The following HMGN5 variants were observed in gnomAD, a reference collection of about 807,000 sequenced individuals.
HMGN5 encodes the protein high mobility group nucleosome-binding domain-containing protein 5.
In HMGN5, 4 loss-of-function variants were observed where a neutral mutation model predicts 9.5. That is an observed-to-expected ratio of 0.42 (90% CI 0.21 to 0.96). The LOEUF (loss-of-function observed/expected upper bound fraction) is 0.96. HMGN5 is among the 40% of genes least tolerant of loss of function. The pLI is 0.30. For synonymous variants in HMGN5, 55 were observed against 57.1 expected, an observed-to-expected ratio of 0.96 and a Z score of 0.16; for missense variants, 192 against 187.5, an observed-to-expected ratio of 1.02 and a Z score of -0.14.
rs1342805257 is a variant in HMGN5 at position 81,115,057 on chromosome X, T to A, written c.441A>T (p.Glu147Asp). The change falls in exon 7 of 7, where the codon GAA (glutamate) becomes GAT (aspartate). Residue 147 changes from glutamate (E) to aspartate (D), a missense_variant. Transcript: ENST00000358130. ...QNEEKGEAGK[E>D]DKDEKGEEDG... Reference sequence around the variant, plus strand: ...CTTCTTCCCCTTTTTCATCTTTGTCTTCTTTTCCAGCTTCCCCTTTCTCTT... The same window carrying A: ...CTTCTTCCCCTTTTTCATCTTTGTCATCTTTTCCAGCTTCCCCTTTCTCTT... 1 of 1,155,774 alleles carries A rather than the reference T, an allele frequency of 8.7e-7. No individual in the cohort carries two copies. The highest frequency in any genetic ancestry group is 2.7e-5 in the Admixed American group (1 of 37,323).
chrX:81,191,458 C>T (rs759130840), intron 1 of HMGN5, among the ~76,000 whole-genome samples: 45 of 111,640 alleles, frequency 4.0e-4, no homozygotes, highest in African/African-American at 1.5e-3. Flanking sequence ...TTCTAGTTTG[C>T]TAATTTTCAA....
rs886393590 is a variant in HMGN5 at position 81,114,670 on chromosome X, C to T, written c.828G>A (p.Glu276=). 8.8e-7 allele frequency: 1 copy of T among 1,140,634 alleles called. No individual in the cohort carries two copies. The highest frequency in any genetic ancestry group is 3.3e-5 in the East Asian group (1 of 30,402). 94.0% of individuals were successfully genotyped at this position (1,140,634 alleles called of 1,213,427 possible). Residue 276 remains glutamate, a synonymous_variant, in exon 7 of 7, where the codon GAG becomes GAA. Transcript: ENST00000358130. ...DEIKEDDGKK[E]EPQSIV is the part of the protein sequence containing the mutation. ...AGTTTTAAACAATACTCTGTGGCTC[C>T]TCTTTTTTTCCATCATCTTCTTTGA...
intron 1 of HMGN5, among the ~76,000 whole-genome samples, chrX:81,129,504 A>G (rs1350646734): frequency 9.1e-6 from 1 of 110,198 alleles, no homozygotes. Flanking sequence ...CTTAATAGTG[A>G]TATTTTTTTC....
intron 1 of HMGN5, among the ~76,000 whole-genome samples, chrX:81,143,795 T>C (rs773702129): frequency 1.8e-5 from 2 of 112,097 alleles, no homozygotes; most frequent in South Asian, 7.4e-4. Context: ...CCACCTGGGA[T>C]GCTCAAGCTT....
chrX:81,148,992 G>A (rs1355732360), intron 1 of HMGN5, among the ~76,000 whole-genome samples: 2 of 111,800 alleles, frequency 1.8e-5, no homozygotes, highest in East Asian at 2.8e-4. Context: ...ATGCTGGAGA[G>A]GATGTGGAGA....
chrX:81,166,732 C>G (rs1205856878), intron 1 of HMGN5, among the ~76,000 whole-genome samples: 1 of 111,126 alleles, frequency 9.0e-6, no homozygotes, highest in Admixed American at 9.6e-5. Flanking sequence ...TGGGTATAGC[C>G]AATTTGAAAA....
At chrX:81,122,464 G>A (rs919280512) in intron 1 of HMGN5, among the ~76,000 whole-genome samples, 2 of 112,010 alleles carry the variant, frequency 1.8e-5, no homozygotes, top group Non-Finnish European at 3.8e-5. Flanking sequence ...ACCTAGACTA[G>A]CATAAAGCCA....
chrX:81,133,895 G>A (rs1266568370), intron 1 of HMGN5, among the ~76,000 whole-genome samples: 1 of 111,413 alleles, frequency 9.0e-6, no homozygotes, highest in African/African-American at 3.3e-5. Flanking sequence ...TAACTTGATA[G>A]CTTCTTTAGG....
At chrX:81,168,376 T>C (rs911064327) in intron 1 of HMGN5, among the ~76,000 whole-genome samples, 18 of 111,911 alleles carry the variant, frequency 1.6e-4, no homozygotes, top group Middle Eastern at 4.6e-3. Flanking sequence ...CATGTGGCTA[T>C]GAAGGTTCTA....
At chrX:81,176,431 A>C (rs1295320887) in intron 1 of HMGN5, among the ~76,000 whole-genome samples, 2 of 111,682 alleles carry the variant, frequency 1.8e-5, no homozygotes, top group African/African-American at 6.5e-5. Context: ...TGGACGGAGA[A>C]TGACTGATGA....
chrX:81,175,626 G>A (rs1412470892), intron 1 of HMGN5, among the ~76,000 whole-genome samples: 2 of 110,607 alleles, frequency 1.8e-5, no homozygotes, highest in Non-Finnish European at 3.8e-5. Context: ...ATATCCCAGA[G>A]GCTCCTCAGC....
At chrX:81,125,937 G>A (rs1423996971) in intron 1 of HMGN5, among the ~76,000 whole-genome samples, 1 of 110,356 alleles carries the variant, frequency 9.1e-6, no homozygotes, top group African/African-American at 3.3e-5. Context: ...CACCTGAGGT[G>A]AAGAGTTCGA....
chrX:81,198,532 A>G (rs1338438160), intron 1 of HMGN5, among the ~76,000 whole-genome samples: 1 of 111,756 alleles, frequency 8.9e-6, no homozygotes, highest in Non-Finnish European at 1.9e-5. Context: ...ATCCACCACG[A>G]TCAAGTTGGC....
chrX:81,192,975 A>G (rs1378099542), intron 1 of HMGN5, among the ~76,000 whole-genome samples: 1 of 110,601 alleles, frequency 9.0e-6, no homozygotes, highest in Non-Finnish European at 1.9e-5. Context: ...AGGTAAGATT[A>G]TTTTCAATCG....
intron 1 of HMGN5, among the ~76,000 whole-genome samples, chrX:81,160,413 T>A (rs1449222367): frequency 9.0e-6 from 1 of 111,468 alleles, no homozygotes; most frequent in East Asian, 2.8e-4. Context: ...TGTAGGTTTG[T>A]TGCATAGGTA....
chrX:81,180,079 A>T (rs1830469052), intron 1 of HMGN5, among the ~76,000 whole-genome samples: 2 of 112,096 alleles, frequency 1.8e-5, no homozygotes, highest in Admixed American at 9.4e-5. Flanking sequence ...CTTAAATGTT[A>T]GACCTAAAAC....
intron 1 of HMGN5, among the ~76,000 whole-genome samples, chrX:81,166,496 A>G (rs1471891581): frequency 8.9e-6 from 1 of 112,039 alleles, no homozygotes; most frequent in Admixed American, 9.5e-5. Flanking sequence ...TTTGTAGAAC[A>G]TGAATCACCA....
At chrX:81,201,044 C>G (rs2075525301) in intron 1 of HMGN5, among the ~76,000 whole-genome samples, 1 of 110,785 alleles carries the variant, frequency 9.0e-6, no homozygotes, top group Non-Finnish European at 1.9e-5. Flanking sequence ...GTATTTAAGA[C>G]AGATTGGAGA....
chrX:81,190,799 T>C (rs1442748494), intron 1 of HMGN5, among the ~76,000 whole-genome samples: 1 of 111,238 alleles, frequency 9.0e-6, no homozygotes, highest in Non-Finnish European at 1.9e-5. Context: ...CATGCAGGTA[T>C]CCAGTTATTC....
Sources: allele counts gnomAD v4.1 joint callset (sites outside exome capture counted in the v4.1 genomes callset), GRCh38; gene constraint gnomAD v4.1.1; transcripts MANE v1.5; gene names NCBI Gene and HGNC (gene_info 2026-07-23, HGNC 2026-07-21).